The following MACROD2 variants were observed in gnomAD, a reference collection of about 807,000 sequenced individuals.
MACROD2 encodes the protein mono-ADP ribosylhydrolase 2.
A neutral mutation model predicts 70.4 loss-of-function variants in MACROD2; 36 were observed. The observed-to-expected ratio is 0.51, with a 90% CI of 0.39 to 0.68. MACROD2 has a LOEUF of 0.68. MACROD2 is among the 30% of genes least tolerant of loss of function. MACROD2 has a pLI of 0.00. For missense variants in MACROD2, 496 were observed against 538.4 expected, an observed-to-expected ratio of 0.92 and a Z score of 0.78; for synonymous variants, 172 against 178.8, an observed-to-expected ratio of 0.96 and a Z score of 0.30.
intron 3 of MACROD2, among the ~76,000 whole-genome samples, chr20:14,160,991 C>CGCTA (rs1307064288): frequency 6.6e-6 from 1 of 152,072 alleles, no homozygotes; most frequent in Non-Finnish European, 1.5e-5. Flanking sequence ...CACCCCCTTA[C>CGCTA]ACCCTCTCTC....
At chr20:14,921,401 T>C (rs928941441) in intron 5 of MACROD2, among the ~76,000 whole-genome samples, 8 of 152,180 alleles carry the variant, frequency 5.3e-5, no homozygotes, top group Non-Finnish European at 1.0e-4. Context: ...CTAATTCTTA[T>C]TGATCCAGAA....
intron 2 of MACROD2, among the ~76,000 whole-genome samples, chr20:14,049,179 A>AG (rs2053523381): frequency 1.1e-5 from 1 of 92,876 alleles, no homozygotes; most frequent in Non-Finnish European, 2.6e-5. Flanking sequence ...TTTAATAAAA[A>AG]AAAAAAAAAA....
At position 15,744,335 on chromosome 20, in the gene MACROD2, A is replaced by G. The variant is rs143376831; in HGVS notation, c.646-118410A>G. Reference sequence around the variant, plus strand: ...TTTCTGCTGACATTGATTATAGCTAAGTTGACATTGTGAGAGTTAAATGCA... The same window carrying G: ...TTTCTGCTGACATTGATTATAGCTAGGTTGACATTGTGAGAGTTAAATGCA... On this transcript the variant is annotated intron_variant, in intron 8 of 17. Coordinates refer to ENST00000684519, the MANE Select transcript of MACROD2 (RefSeq NM_001351661.2). 1.8e-3 allele frequency among the ~76,000 whole-genome samples: 281 copies of G among 152,318 alleles called. 7 individuals are homozygous for G. The East Asian group carries it at 0.044, about 24-fold the overall frequency.
chr20:15,383,164 G>C (rs1293005407), intron 6 of MACROD2, among the ~76,000 whole-genome samples: 1 of 152,146 alleles, frequency 6.6e-6, no homozygotes, highest in African/African-American at 2.4e-5. Flanking sequence ...TTGAACACCA[G>C]GTGTATGAAA....
At chr20:15,124,835 A>G (rs1032354123) in intron 5 of MACROD2, among the ~76,000 whole-genome samples, 1 of 151,900 alleles carries the variant, frequency 6.6e-6, no homozygotes, top group East Asian at 1.9e-4. Context: ...GAAGTGTCCT[A>G]TGTATATTCT....
At chr20:15,269,668 G>A (rs771057857) in intron 6 of MACROD2, among the ~76,000 whole-genome samples, 12 of 152,154 alleles carry the variant, frequency 7.9e-5, no homozygotes, top group Non-Finnish European at 1.3e-4. Flanking sequence ...TGGAGCAGCT[G>A]TCATTATAAT....
chr20:15,220,153 A>C (rs2076846615), intron 5 of MACROD2, among the ~76,000 whole-genome samples: 1 of 152,188 alleles, frequency 6.6e-6, no homozygotes, highest in South Asian at 2.1e-4. Context: ...ACAGCTTTTC[A>C]GCTCTATAAA....
At chr20:15,026,492 TATAATA>T (rs1348386003) in intron 5 of MACROD2, among the ~76,000 whole-genome samples, 1 of 150,500 alleles carries the variant, frequency 6.6e-6, no homozygotes, top group Non-Finnish European at 1.5e-5. Context: ...TTGTAAATGA[TATAATA>T]ATATATATAA....
rs147863061 is a variant in MACROD2 at position 15,774,655 on chromosome 20, G to T, written c.646-88090G>T. 7.2e-3 allele frequency among the ~76,000 whole-genome samples: 1,101 copies of T among 152,212 alleles called. 12 individuals carry two copies. Among genetic ancestry groups the T allele is most frequent in the Non-Finnish European group, 0.011 (749 of 67,998 alleles). On this transcript the variant is annotated intron_variant, in intron 8 of 17. Coordinates refer to ENST00000684519, the MANE Select transcript of MACROD2 (RefSeq NM_001351661.2). ...TCTGAGGAGCACTGGCCAGGGAGGG[G>T]GAGGGCAGCACACTGCACTGTCTCA... is the stretch of plus-strand genomic sequence containing the variant.
At chr20:15,374,881 A>T (rs1465818191) in intron 6 of MACROD2, among the ~76,000 whole-genome samples, 1 of 152,204 alleles carries the variant, frequency 6.6e-6, no homozygotes, top group African/African-American at 2.4e-5. Flanking sequence ...TGTTAGTCAC[A>T]TAAAATTCAT....
At chr20:15,551,033 A>G (rs1310539308) in intron 8 of MACROD2, among the ~76,000 whole-genome samples, 1 of 152,242 alleles carries the variant, frequency 6.6e-6, no homozygotes, top group Admixed American at 6.5e-5. Context: ...GATTCACTTA[A>G]AAGAAAGTGT....
intron 5 of MACROD2, among the ~76,000 whole-genome samples, chr20:14,770,227 T>C (rs1161767115): frequency 1.3e-5 from 2 of 151,962 alleles, no homozygotes; most frequent in Non-Finnish European, 2.9e-5. Context: ...TATTTACTAT[T>C]TTGTGTTTTG....
intron 5 of MACROD2, among the ~76,000 whole-genome samples, chr20:14,769,257 C>A (rs1188293536): frequency 6.6e-6 from 1 of 152,032 alleles, no homozygotes; most frequent in Non-Finnish European, 1.5e-5. Context: ...TCTTTGAATT[C>A]TTTAGTGTAA....
intron 5 of MACROD2, among the ~76,000 whole-genome samples, chr20:15,062,878 C>T (rs1482625298): frequency 1.3e-5 from 2 of 152,198 alleles, no homozygotes; most frequent in African/African-American, 4.8e-5. Context: ...GCCTCCTGCA[C>T]TGGTGTCCAA....
intron 8 of MACROD2, 41 bp from the exon 9 acceptor site, chr20:15,862,704 A>C: frequency 6.5e-7 from 1 of 1,530,320 alleles, no homozygotes; most frequent in South Asian, 1.1e-5. Flanking sequence ...GGCAATTGCC[A>C]TATTTTTTTT....
chr20:15,977,154 T>G lies in MACROD2; in HGVS notation c.985+9524T>G, dbSNP rs182700197. ...ATAGACGAAGCCAGATCACAAATAGTACGTTAAAGGTCCTTGCAATGACCT... is the reference window on the plus strand; with the variant it reads ...ATAGACGAAGCCAGATCACAAATAGGACGTTAAAGGTCCTTGCAATGACCT... On this transcript the variant is annotated intron_variant, in intron 13 of 17. Transcript: ENST00000684519. Among the ~76,000 whole-genome samples the G allele has an allele frequency of 8.6e-4, 131 of 152,308 alleles. 2 individuals carry two copies. The East Asian group carries it at 0.013, about 15-fold the overall frequency.
At chr20:14,509,251 A>G (rs1297888659) in intron 4 of MACROD2, among the ~76,000 whole-genome samples, 1 of 152,032 alleles carries the variant, frequency 6.6e-6, no homozygotes, top group African/African-American at 2.4e-5. Context: ...TTACTGCATT[A>G]TTTATTCCAT....
At chr20:15,729,831 C>CTGTTTTTTTTTTTTTTTT (rs2050918554) in intron 8 of MACROD2, among the ~76,000 whole-genome samples, 2 of 64,772 alleles carry the variant, frequency 3.1e-5, no homozygotes, top group Non-Finnish European at 5.6e-5. Context: ...TTGGGTCATG[C>CTGTTTTTTTTTTTTTTTT]TTTTTTTTTT....
chr20:14,882,410 G>A lies in MACROD2; in HGVS notation c.418+197451G>A, dbSNP rs141268464. On this transcript the variant is annotated intron_variant, in intron 5 of 17. Coordinates refer to ENST00000684519, the MANE Select transcript of MACROD2 (RefSeq NM_001351661.2). ...GTCATCTCTCAACCAGATGTAAAAGGTACTTCCCTGAAGGGAAGAAGCATG... is the reference window on the plus strand; with the variant it reads ...GTCATCTCTCAACCAGATGTAAAAGATACTTCCCTGAAGGGAAGAAGCATG... Among the ~76,000 whole-genome samples, 677 of 152,136 alleles carry A rather than the reference G, an allele frequency of 4.4e-3. 8 individuals are homozygous for A. The highest frequency in any genetic ancestry group is 0.015 in the African/African-American group (633 of 41,490).
Sources: allele counts gnomAD v4.1 joint callset (sites outside exome capture counted in the v4.1 genomes callset), GRCh38; gene constraint gnomAD v4.1.1; transcripts MANE v1.5; gene names NCBI Gene and HGNC (gene_info 2026-07-23, HGNC 2026-07-21).